Variants in ANK3 observed in about 807,000 individuals in gnomAD.
The protein encoded by ANK3 is ankyrin 3.
A neutral mutation model predicts 370.9 loss-of-function variants in ANK3; 57 were observed. The observed-to-expected ratio is 0.15, with a 90% CI of 0.12 to 0.19. The LOEUF (loss-of-function observed/expected upper bound fraction) is 0.19. Ranked by LOEUF, ANK3 falls within the 10% of genes least tolerant of loss-of-function variation. ANK3 has a pLI of 1.00. For missense variants in ANK3, 4,439 were observed against 5,302.1 expected (o/e 0.84, Z 5.06); for synonymous variants, 1,929 against 1,946.3 (o/e 0.99, Z 0.23).
At chr10:60,595,153 C>A (rs192108031) in intron 2 of ANK3, among the ~76,000 whole-genome samples, 1 of 152,090 alleles carries the variant, frequency 6.6e-6, no homozygotes, top group Non-Finnish European at 1.5e-5. Flanking sequence ...AAGAGCTTCA[C>A]GTTTTTGTAA....
intron 2 of ANK3, among the ~76,000 whole-genome samples, chr10:60,565,001 A>G (rs1286317834): frequency 6.6e-6 from 1 of 152,154 alleles, no homozygotes; most frequent in Non-Finnish European, 1.5e-5. Flanking sequence ...CACTAAATGA[A>G]GCACTCAAGG....
intron 2 of ANK3, chr10:60,572,439 G>C (rs1214719320): frequency 8.5e-6 from 13 of 1,533,772 alleles, no homozygotes; most frequent in African/African-American, 1.4e-5. Flanking sequence ...ACAATGAAGA[G>C]AACATGTTGC....
At chr10:60,348,419 G>A (rs1394511950) in intron 1 of ANK3, among the ~76,000 whole-genome samples, 1 of 151,096 alleles carries the variant, frequency 6.6e-6, no homozygotes, top group African/African-American at 2.4e-5. Context: ...GGAAGCACTG[G>A]CATTTGAAAA....
In ANK3 at chr10:60,511,290, C is replaced by T. The variant is rs138391812; in HGVS notation, c.96+103896G>A. On this transcript the variant is annotated intron_variant, in intron 2 of 43. Coordinates refer to the ANK3 transcript ENST00000373827. ...CAGGTCTGCAATGGGTATTTTGTTA[C>T]TATGACTTACTATGACTTTAACTTT... Among the ~76,000 whole-genome samples the T allele has an allele frequency of 2.5e-3, 374 of 152,168 alleles. 1 individual carries two copies. The highest frequency in any genetic ancestry group is 8.0e-3 in the African/African-American group (333 of 41,562).
intron 1 of ANK3, among the ~76,000 whole-genome samples, chr10:60,615,595 A>T (rs1047629949): frequency 6.6e-6 from 1 of 152,110 alleles, no homozygotes; most frequent in Non-Finnish European, 1.5e-5. Flanking sequence ...GTAATTTAAA[A>T]TTTTTTTCCT....
chr10:60,483,441 G>T (rs10994371), intron 2 of ANK3, among the ~76,000 whole-genome samples: 4 of 151,960 alleles, frequency 2.6e-5, no homozygotes, highest in Non-Finnish European at 5.9e-5. Flanking sequence ...ACTACTTGTC[G>T]TTTTGCAACC....
intron 2 of ANK3, among the ~76,000 whole-genome samples, chr10:60,397,201 T>TAAA (rs200880865): frequency 2.1e-5 from 3 of 139,934 alleles, no homozygotes; most frequent in East Asian, 2.1e-4. Flanking sequence ...ATAGTAGGAT[T>TAAA]AAAAAAAAAA....
At chr10:60,182,310 A>G (rs1462513823) in intron 17 of ANK3, among the ~76,000 whole-genome samples, 1 of 152,222 alleles carries the variant, frequency 6.6e-6, no homozygotes, top group African/African-American at 2.4e-5. Context: ...GACAATTTCC[A>G]GGTCATTTAG....
intron 28 of ANK3, among the ~76,000 whole-genome samples, chr10:60,098,822 T>C (rs936665305): frequency 2.0e-5 from 3 of 152,214 alleles, no homozygotes; most frequent in Non-Finnish European, 4.4e-5. Context: ...TTATTTCACA[T>C]CTTTATTCAG....
intron 11 of ANK3, 87 bp from the exon 12 acceptor site, chr10:60,203,187 C>G (rs1357591490): frequency 2.5e-6 from 2 of 803,164 alleles, no homozygotes; most frequent in Non-Finnish European, 2.1e-6. Context: ...ATCCATCCAC[C>G]CATCTAAATC....
chr10:60,721,762 G>C (rs1292154738), intron 1 of ANK3, among the ~76,000 whole-genome samples: 4 of 152,174 alleles, frequency 2.6e-5, no homozygotes, highest in Non-Finnish European at 4.4e-5. Context: ...CATCCCTGCA[G>C]AGTCCTCATC....
At chr10:60,439,116 T>C (rs1170067645) in intron 2 of ANK3, among the ~76,000 whole-genome samples, 1 of 152,176 alleles carries the variant, frequency 6.6e-6, no homozygotes, top group Non-Finnish European at 1.5e-5. Flanking sequence ...GCAACGTTTG[T>C]ACTGTTGAAA....
intron 23 of ANK3, among the ~76,000 whole-genome samples, chr10:60,143,806 C>G (rs190986101): frequency 9.5e-4 from 145 of 152,248 alleles, no homozygotes; most frequent in African/African-American, 3.4e-3. Context: ...TTCAAAGAAA[C>G]CTTGCAGACT....
At chr10:60,572,573 G>T in intron 2 of ANK3, 15 of 1,529,450 alleles carry the variant, frequency 9.8e-6, no homozygotes, top group Non-Finnish European at 1.3e-5. Context: ...ATCACCGCCG[G>T]TATTCCAACA....
At chr10:60,225,677 T>C (rs763909653) in intron 8 of ANK3, among the ~76,000 whole-genome samples, 44 of 152,146 alleles carry the variant, frequency 2.9e-4, no homozygotes, top group Non-Finnish European at 2.4e-4. Flanking sequence ...ACCGCCTATA[T>C]GTTTAAATGA....
At chr10:60,610,269 T>C (rs1445912296) in intron 2 of ANK3, among the ~76,000 whole-genome samples, 1 of 152,140 alleles carries the variant, frequency 6.6e-6, no homozygotes, top group Non-Finnish European at 1.5e-5. Context: ...CCCAGCACTT[T>C]GGGAGGCTGA....
At chr10:60,501,780 C>A (rs1261194135) in intron 2 of ANK3, among the ~76,000 whole-genome samples, 1 of 151,372 alleles carries the variant, frequency 6.6e-6, no homozygotes, top group Non-Finnish European at 1.5e-5. Flanking sequence ...TTGAGACCAG[C>A]CTGGGTAACA....
At chr10:60,279,209 G>A (rs1437896856) in intron 2 of ANK3, 61 bp from the exon 3 acceptor site, 26 of 1,387,006 alleles carry the variant, frequency 1.9e-5, no homozygotes, top group Non-Finnish European at 2.4e-5. Context: ...GTAAACAACC[G>A]ACCAAGAACT....
chr10:60,579,310 C>A (rs1023459510), intron 2 of ANK3, among the ~76,000 whole-genome samples: 3 of 118,388 alleles, frequency 2.5e-5, no homozygotes, highest in Admixed American at 2.4e-4. Context: ...GGCACCAGAG[C>A]GAGACTCTCT....
Sources: allele counts gnomAD v4.1 joint callset (sites outside exome capture counted in the v4.1 genomes callset), GRCh38; gene constraint gnomAD v4.1.1; transcripts MANE v1.5; gene names NCBI Gene and HGNC (gene_info 2026-07-23, HGNC 2026-07-21).